The following CDK14 variants were observed in gnomAD, a reference collection of about 807,000 sequenced individuals.
CDK14 encodes the protein cyclin-dependent kinase 14.
In CDK14, 34 loss-of-function variants were observed where a neutral mutation model predicts 60.7. The ratio of observed to expected loss-of-function variants is 0.56; its 90% CI spans 0.43 to 0.75. The LOEUF (loss-of-function observed/expected upper bound fraction) is 0.75, where lower values mean the gene tolerates loss of function less well. Ranked by LOEUF, CDK14 falls within the 30% of genes least tolerant of loss-of-function variation. The pLI is 0.00. For missense variants in CDK14, 482 were observed against 564.1 expected (o/e 0.85, Z 1.47); for synonymous variants, 197 against 203.7 (o/e 0.97, Z 0.28).
chr7:91,050,546 C>T (rs983085042), intron 11 of CDK14, among the ~76,000 whole-genome samples: 10 of 152,168 alleles, frequency 6.6e-5, no homozygotes, highest in African/African-American at 2.2e-4. Flanking sequence ...TTACACAAAA[C>T]TTAAGCTCAG....
chr7:91,186,558 A>C (rs1004379602), intron 14 of CDK14, among the ~76,000 whole-genome samples: 11 of 151,830 alleles, frequency 7.2e-5, no homozygotes, highest in African/African-American at 2.4e-4. Context: ...TTTATGTACA[A>C]ATTACAAAAG....
intron 6 of CDK14, among the ~76,000 whole-genome samples, chr7:90,887,311 T>C (rs189090740): frequency 6.6e-6 from 1 of 152,310 alleles, no homozygotes; most frequent in African/African-American, 2.4e-5. Context: ...TTATATACAC[T>C]ATATTGAAAT....
intron 5 of CDK14, among the ~76,000 whole-genome samples, chr7:90,851,804 A>G (rs1424821788): frequency 6.6e-6 from 1 of 151,780 alleles, no homozygotes; most frequent in African/African-American, 2.4e-5. Context: ...GACAATTTGA[A>G]GTTACCTTGC....
intron 2 of CDK14, among the ~76,000 whole-genome samples, chr7:90,712,783 T>G (rs1026460668): frequency 6.6e-5 from 10 of 152,146 alleles, no homozygotes; most frequent in Non-Finnish European, 1.3e-4. Context: ...CCATGGCTTT[T>G]GTCATTATTA....
chr7:90,901,739 G>A (rs1041137176), intron 7 of CDK14, among the ~76,000 whole-genome samples: 6 of 151,410 alleles, frequency 4.0e-5, no homozygotes, highest in Admixed American at 2.0e-4. Context: ...CATCTGCATA[G>A]TATAATACTG....
intron 4 of CDK14, among the ~76,000 whole-genome samples, chr7:90,776,767 A>G (rs1406720573): frequency 1.3e-5 from 2 of 152,214 alleles, no homozygotes; most frequent in Non-Finnish European, 2.9e-5. Context: ...ACAGAATTTT[A>G]AAGAAATTTG....
intron 14 of CDK14, among the ~76,000 whole-genome samples, chr7:91,145,769 C>A (rs1035946063): frequency 1.3e-5 from 2 of 152,064 alleles, no homozygotes; most frequent in African/African-American, 4.8e-5. Flanking sequence ...ATGTATCTAG[C>A]CTCTCTGAAT....
chr7:90,948,994 AGTT>A (rs1270105688), intron 8 of CDK14, among the ~76,000 whole-genome samples: 5 of 152,342 alleles, frequency 3.3e-5, no homozygotes, highest in East Asian at 3.9e-4. Flanking sequence ...TTTCACTTAA[AGTT>A]GTTATTTCCC....
chr7:90,947,906 A>G (rs1032449422), intron 8 of CDK14, among the ~76,000 whole-genome samples: 3 of 152,188 alleles, frequency 2.0e-5, no homozygotes, highest in African/African-American at 7.2e-5. Context: ...AATGCAAAGT[A>G]TTTCTCTGAC....
intron 14 of CDK14, among the ~76,000 whole-genome samples, chr7:91,188,663 A>G (rs942055951): frequency 6.6e-6 from 1 of 152,208 alleles, no homozygotes; most frequent in Non-Finnish European, 1.5e-5. Context: ...CCAAGCCCAA[A>G]TCGTCTGTCT....
Position 90,984,258 on chromosome 7 carries a change from G to A in CDK14, c.1041+17G>A, listed in dbSNP as rs369872704. 6.6e-7 allele frequency: 1 copy of A among 1,516,688 alleles called. No individual in the cohort carries two copies. Among genetic ancestry groups the A allele is most frequent in the African/African-American group, 1.4e-5 (1 of 72,716 alleles). 94.0% of individuals were successfully genotyped at this position (1,516,688 alleles called of 1,614,324 possible). A position where few individuals can be genotyped will look rare whatever the true frequency, so the allele number is the denominator to read the frequency against. On this transcript the variant is annotated intron_variant, in intron 10 of 14. Transcript: ENST00000380050. ...ATATTTCTGGTAAGTCCTTTACAGA[G>A]TATTTCTAAGAAAAATTGGTTTCTA...
intron 2 of CDK14, among the ~76,000 whole-genome samples, chr7:90,693,106 GTATTTCAGATTT>G (rs1179946724): frequency 2.0e-5 from 3 of 152,132 alleles, no homozygotes; most frequent in Non-Finnish European, 2.9e-5. Flanking sequence ...GTTATAGGAA[GTATTTCAGATTT>G]TATACATATT....
chr7:91,106,686 G>C (rs1166033768), intron 12 of CDK14, among the ~76,000 whole-genome samples: 1 of 152,134 alleles, frequency 6.6e-6, no homozygotes, highest in Non-Finnish European at 1.5e-5. Flanking sequence ...TAAATTTTAA[G>C]TTAAATAGAG....
At chr7:91,150,607 A>G (rs554869495) in intron 14 of CDK14, among the ~76,000 whole-genome samples, 17 of 152,342 alleles carry the variant, frequency 1.1e-4, no homozygotes, top group Middle Eastern at 3.4e-3. Flanking sequence ...ATTTTTAGTA[A>G]GAATTTGGCC....
chr7:91,059,231 C>G (rs955177214), intron 11 of CDK14, among the ~76,000 whole-genome samples: 5 of 152,192 alleles, frequency 3.3e-5, no homozygotes, highest in African/African-American at 1.2e-4. Context: ...GTTTGTATTT[C>G]TGTGGGATCG....
At chr7:90,894,665 A>G (rs1792239887) in intron 6 of CDK14, among the ~76,000 whole-genome samples, 1 of 152,200 alleles carries the variant, frequency 6.6e-6, no homozygotes, top group Admixed American at 6.5e-5. Context: ...GTTTAAGATA[A>G]TTCACAAGCA....
intron 5 of CDK14, among the ~76,000 whole-genome samples, chr7:90,810,228 A>G (rs977478424): frequency 6.6e-6 from 1 of 152,260 alleles, no homozygotes; most frequent in African/African-American, 2.4e-5. Context: ...TCAATAAAAT[A>G]CTGGGAAACC....
At chr7:90,602,130 A>G (rs1256060227) in intron 1 of CDK14, among the ~76,000 whole-genome samples, 1 of 152,076 alleles carries the variant, frequency 6.6e-6, no homozygotes, top group African/African-American at 2.4e-5. Context: ...TGTAGTTCTT[A>G]TTGGATGCTT....
chr7:90,857,510 C>T (rs1423810133), intron 5 of CDK14, among the ~76,000 whole-genome samples: 1 of 152,136 alleles, frequency 6.6e-6, no homozygotes, highest in Non-Finnish European at 1.5e-5. Context: ...GCAATTTTAC[C>T]TTTTCAAATC....
Sources: allele counts gnomAD v4.1 joint callset (sites outside exome capture counted in the v4.1 genomes callset), GRCh38; gene constraint gnomAD v4.1.1; transcripts MANE v1.5; gene names NCBI Gene and HGNC (gene_info 2026-07-23, HGNC 2026-07-21).